Variants in KTN1 observed in about 807,000 individuals in gnomAD.
KTN1 encodes kinectin.
Under a neutral mutation model 222.5 loss-of-function variants are expected in KTN1, and 130 were observed. The ratio of observed to expected loss-of-function variants is 0.58; its 90% CI spans 0.51 to 0.68. KTN1 has a LOEUF of 0.68. KTN1 is among the 30% of genes least tolerant of loss of function. The pLI, the probability that KTN1 is intolerant of heterozygous loss-of-function variation, is 0.00. For missense variants in KTN1, 1,508 were observed against 1,500.4 expected, an observed-to-expected ratio of 1.01 and a Z score of -0.08; for synonymous variants, 512 against 496.3, an observed-to-expected ratio of 1.03 and a Z score of -0.42.
intron 5 of KTN1, among the ~76,000 whole-genome samples, chr14:55,624,670 A>G (rs893710608): frequency 6.6e-6 from 1 of 152,204 alleles, no homozygotes; most frequent in African/African-American, 2.4e-5. Context: ...AGGCTCAAGA[A>G]TGAACCCCAG....
rs1261223576 is a variant in KTN1 at position 55,618,052 on chromosome 14, G to T, written c.750G>T (p.Glu250Asp). Reference sequence around the variant, plus strand: ...CAAGTCCTGTGGTAGATAAGAGAGAGGTTATTGATTTGCTTAAACCTGACC... The same window carrying T: ...CAAGTCCTGTGGTAGATAAGAGAGATGTTATTGATTTGCTTAAACCTGACC... ...ADSSPVVDKR[E>D]VIDLLKPDQV... The change falls in exon 4 of 44, where the codon GAG becomes GAT. Residue 250 changes from glutamate (E) to aspartate (D), a missense_variant. Physicochemically the swap from Glu to Asp is conservative, Grantham distance 45. Transcript: ENST00000395314. The T allele has an allele frequency of 6.2e-7, 1 of 1,612,806 alleles. No homozygotes were observed. The highest frequency in any genetic ancestry group is 8.5e-7 in the Non-Finnish European group (1 of 1,179,208).
At chr14:55,637,432 A>T (rs2041267597) in intron 11 of KTN1, 68 bp downstream of exon 11, 1 of 1,106,276 alleles carries the variant, frequency 9.0e-7, no homozygotes, top group East Asian at 2.6e-5. Flanking sequence ...GTGTGTCTAG[A>T]AGAGAGACTA....
At chr14:55,679,527 G>T in intron 42 of KTN1, 38 bp from the exon 43 acceptor site, 34 of 1,541,706 alleles carry the variant, frequency 2.2e-5, no homozygotes, top group Non-Finnish European at 2.8e-5. Context: ...TCTTTTCCTT[G>T]TGTATGGAGT....
At chr14:55,590,664 T>C (rs1373394535) in intron 1 of KTN1, among the ~76,000 whole-genome samples, 3 of 152,102 alleles carry the variant, frequency 2.0e-5, no homozygotes, top group African/African-American at 4.8e-5. Flanking sequence ...CCCTCAACCT[T>C]GTTATCAGGA....
chr14:55,633,530 CTA>C (rs140677422), intron 8 of KTN1, among the ~76,000 whole-genome samples, 189 bp downstream of exon 8: 3,515 of 151,618 alleles, frequency 0.023, 144 homozygotes, highest in African/African-American at 0.081. Flanking sequence ...CATATGTAAA[CTA>C]TGTTATATTA....
At chr14:55,640,533 G>A in intron 15 of KTN1, 91 bp downstream of exon 15, 1 of 853,326 alleles carries the variant, frequency 1.2e-6, no homozygotes. Flanking sequence ...ATTTGATTGT[G>A]TAAGTAAAAA....
At chr14:55,662,720 T>C (rs1358849696) in intron 32 of KTN1, among the ~76,000 whole-genome samples, 1 of 152,214 alleles carries the variant, frequency 6.6e-6, no homozygotes, top group Non-Finnish European at 1.5e-5. Flanking sequence ...TTGTGTTAAA[T>C]TGTTAATTTA....
At chr14:55,674,649 CTTATTAACT>C (rs1321395399) in intron 40 of KTN1, 5 of 152,112 alleles carry the variant, frequency 3.3e-5, no homozygotes, top group African/African-American at 1.2e-4. Flanking sequence ...TAGAGTTTTA[CTTATTAACT>C]TTGGTGCTTA....
chr14:55,580,533 C>T (rs1482470272), intron 1 of KTN1, among the ~76,000 whole-genome samples, 179 bp downstream of exon 1: 5 of 149,882 alleles, frequency 3.3e-5, no homozygotes, highest in African/African-American at 1.2e-4. Flanking sequence ...CGCCGCGGGG[C>T]TCTTGTTGGG....
In KTN1 at chr14:55,678,559, C is replaced by T. The variant is rs536277709; in HGVS notation, c.3948+115C>T. ...TCATCTTTCTTGAAAATATCCTGTC[C>T]CTAAAATGTAGTGTTTTCATTGATG... On this transcript the variant is annotated intron_variant, in intron 42 of 43. Coordinates refer to ENST00000395314, the MANE Select transcript of KTN1 (RefSeq NM_001079521.2). 94 of 676,908 alleles carry T rather than the reference C, an allele frequency of 1.4e-4. No individual in the cohort carries two copies. In the African/African-American group the frequency reaches 1.5e-3, roughly 11 times the overall value. 41.9% of individuals were successfully genotyped at this position (676,908 alleles called of 1,614,324 possible). A position where few individuals can be genotyped will look rare whatever the true frequency, so the allele number is the denominator to read the frequency against.
intron 5 of KTN1, among the ~76,000 whole-genome samples, chr14:55,626,964 C>G (rs747220343): frequency 5.9e-5 from 9 of 152,076 alleles, no homozygotes; most frequent in Non-Finnish European, 1.2e-4. Context: ...TTGGGGATGG[C>G]TGGTTTTACC....
intron 34 of KTN1, 149 bp downstream of exon 34, chr14:55,667,479 A>G: frequency 2.1e-6 from 1 of 475,078 alleles, no homozygotes; most frequent in Non-Finnish European, 3.6e-6. Context: ...AGTAAAGATT[A>G]ATAACTTGGT....
intron 5 of KTN1, among the ~76,000 whole-genome samples, chr14:55,622,858 C>T (rs1383274523): frequency 1.3e-5 from 2 of 152,180 alleles, no homozygotes; most frequent in Non-Finnish European, 2.9e-5. Flanking sequence ...AAACATAAAT[C>T]CAGATTCCTT....
chr14:55,612,649 A>G (rs1594836939), intron 2 of KTN1, 78 bp downstream of exon 2: 2 of 1,144,222 alleles, frequency 1.7e-6, no homozygotes, highest in East Asian at 5.2e-5. Flanking sequence ...TTAGGTACAT[A>G]CACAGAATGT....
chr14:55,629,048 C>A (rs1298816286), intron 6 of KTN1, among the ~76,000 whole-genome samples: 2 of 152,190 alleles, frequency 1.3e-5, no homozygotes, highest in Admixed American at 6.5e-5. Flanking sequence ...GCTTGGCTTT[C>A]ATGTACTTTG....
chr14:55,672,431 A>G lies in KTN1; in HGVS notation c.3532-199A>G, dbSNP rs1595277640. The G allele has an allele frequency of 2.1e-5, 10 of 476,898 alleles. 1 individual carries two copies. In the East Asian group the frequency reaches 2.8e-4, roughly 13 times the overall value. 29.5% of individuals were successfully genotyped at this position (476,898 alleles called of 1,614,324 possible). ...AATCACTTTTAGCCGAGCCTAATAT[A>G]CAAATGGAGTAGGTTTGGACCACAA... On this transcript the variant is annotated intron_variant, in intron 37 of 43. Coordinates refer to ENST00000395314, the MANE Select transcript of KTN1 (RefSeq NM_001079521.2).
chr14:55,633,419 A>G, intron 8 of KTN1, 78 bp downstream of exon 8: 3 of 813,716 alleles, frequency 3.7e-6, no homozygotes, highest in Admixed American at 3.3e-5. Flanking sequence ...ATAGCGTTTG[A>G]TAGTAATTGG....
chr14:55,679,770 C>T (rs191833512), intron 43 of KTN1, 85 bp downstream of exon 43: 3 of 1,331,780 alleles, frequency 2.3e-6, no homozygotes, highest in Non-Finnish European at 3.2e-6. Flanking sequence ...AAACTCACTT[C>T]ACTAGAGGAA....
rs193184175 is a variant in KTN1, at chr14:55,633,860, C to T, written c.1328+519C>T. Among the ~76,000 whole-genome samples, 42 of 152,092 alleles carry T rather than the reference C, an allele frequency of 2.8e-4. No homozygotes were observed. The East Asian group carries it at 4.1e-3, about 15-fold the overall frequency. On this transcript the variant is annotated intron_variant, in intron 8 of 43. Transcript: ENST00000395314. Reference sequence around the variant, plus strand: ...TCTACATATTAAGACACTTTCGGGCCGGGTGTGGTGGTTCATGCCTGTAAT... The same window carrying T: ...TCTACATATTAAGACACTTTCGGGCTGGGTGTGGTGGTTCATGCCTGTAAT...
Sources: allele counts gnomAD v4.1 joint callset (sites outside exome capture counted in the v4.1 genomes callset), GRCh38; gene constraint gnomAD v4.1.1; transcripts MANE v1.5; gene names NCBI Gene and HGNC (gene_info 2026-07-23, HGNC 2026-07-21).